The following GPM6B variants were observed in gnomAD, a reference collection of about 807,000 sequenced individuals.
GPM6B encodes glycoprotein M6B, also known as neuronal membrane glycoprotein M6-b.
A neutral mutation model predicts 27.2 loss-of-function variants in GPM6B; 4 were observed. That is an observed-to-expected ratio of 0.15 (90% confidence interval 0.07 to 0.34). The LOEUF (loss-of-function observed/expected upper bound fraction) is 0.34, where lower values mean the gene tolerates loss of function less well. Ranked by LOEUF, GPM6B falls within the 10% of genes least tolerant of loss-of-function variation. The pLI, the probability that GPM6B is intolerant of heterozygous loss-of-function variation, is 1.00. For synonymous variants in GPM6B, 124 were observed against 103.1 expected (o/e 1.20, Z -1.23); for missense variants, 183 against 261.9 (o/e 0.70, Z 2.08).
intron 6 of GPM6B, 50 bp downstream of exon 6, chrX:13,777,299 CCTT>C: frequency 1.2e-6 from 1 of 869,422 alleles, no homozygotes; most frequent in Non-Finnish European, 1.7e-6. Flanking sequence ...CTGGGAGAAC[CCTT>C]TTTTCTCAGC....
chrX:13,884,766 G>A (rs990789889), intron 1 of GPM6B, among the ~76,000 whole-genome samples: 2 of 111,902 alleles, frequency 1.8e-5, no homozygotes, highest in African/African-American at 6.5e-5. Context: ...TTTTCCCATA[G>A]ACATCAGATA....
At chrX:13,778,278 G>A (rs781448943) in intron 5 of GPM6B, among the ~76,000 whole-genome samples, 1 of 111,386 alleles carries the variant, frequency 9.0e-6, no homozygotes, top group Non-Finnish European at 1.9e-5. Flanking sequence ...TTGAACTCCC[G>A]ACCTCGTGAT....
intron 1 of GPM6B, among the ~76,000 whole-genome samples, chrX:13,808,757 G>T (rs193289553): frequency 6.9e-4 from 77 of 111,695 alleles, no homozygotes; most frequent in African/African-American, 2.3e-3. Context: ...TCAGGTCTCT[G>T]AGGAGAAGAA....
rs779773108 is a variant in GPM6B at position 13,804,763 on chromosome X, C to G, written c.181+2887G>C. On this transcript the variant is annotated intron_variant, in intron 2 of 7. Coordinates refer to ENST00000316715, the MANE Select transcript of GPM6B (RefSeq NM_001001995.3). ...AGCCTGTATCAAAACCTCTTTTTCC[C>G]CCATGGAAAAAGGCTGACAACTCTG... 2.9e-5 allele frequency among the ~76,000 whole-genome samples: 3 copies of G among 104,779 alleles called. No individual in the cohort carries two copies. In the East Asian group the frequency reaches 9.0e-4, roughly 31 times the overall value. 91.0% of individuals were successfully genotyped at this position (104,779 alleles called of 115,157 possible). A position where few individuals can be genotyped will look rare whatever the true frequency, so the allele number is the denominator to read the frequency against.
At chrX:13,831,178 A>G (rs1272094939) in intron 1 of GPM6B, among the ~76,000 whole-genome samples, 10 of 10,969 alleles carry the variant, frequency 9.1e-4, no homozygotes, top group African/African-American at 4.2e-3. Context: ...AGAGCTCAGT[A>G]CACACACACA....
At chrX:13,934,939 T>C (rs1230118560) in intron 1 of GPM6B, among the ~76,000 whole-genome samples, 1 of 111,209 alleles carries the variant, frequency 9.0e-6, no homozygotes, top group Non-Finnish European at 1.9e-5. Flanking sequence ...GAGCACCCAC[T>C]GGGAGCTTGT....
chrX:13,887,562 G>A (rs1365324925), intron 1 of GPM6B, among the ~76,000 whole-genome samples: 1 of 111,668 alleles, frequency 9.0e-6, no homozygotes, highest in African/African-American at 3.3e-5. Flanking sequence ...TTAGATAACT[G>A]AGCCTGGATT....
At chrX:13,865,980 G>A (rs1451800792) in intron 1 of GPM6B, among the ~76,000 whole-genome samples, 1 of 110,796 alleles carries the variant, frequency 9.0e-6, no homozygotes, top group African/African-American at 3.3e-5. Context: ...GCTTGTATGT[G>A]GAATTTTTAA....
intron 3 of GPM6B, among the ~76,000 whole-genome samples, chrX:13,785,268 G>A (rs2048587907): frequency 9.0e-6 from 1 of 111,428 alleles, no homozygotes; most frequent in African/African-American, 3.3e-5. Flanking sequence ...ATCATGAGGT[G>A]GTTGCATCTC....
intron 1 of GPM6B, among the ~76,000 whole-genome samples, chrX:13,867,172 C>A (rs2049928951): frequency 2.7e-5 from 3 of 111,531 alleles, no homozygotes; most frequent in Middle Eastern, 4.6e-3. Context: ...TGCAGTGGAG[C>A]AATCACAGCT....
intron 1 of GPM6B, among the ~76,000 whole-genome samples, chrX:13,934,662 T>G (rs1218318294): frequency 8.9e-6 from 1 of 112,267 alleles, no homozygotes; most frequent in Admixed American, 9.4e-5. Flanking sequence ...AAGTAGTGTT[T>G]AGACCATCAG....
intron 1 of GPM6B, among the ~76,000 whole-genome samples, chrX:13,847,729 G>A (rs2049666281): frequency 8.9e-6 from 1 of 112,023 alleles, no homozygotes; most frequent in South Asian, 3.8e-4. Context: ...CCTTTTTCAA[G>A]CAACTTTACA....
At chrX:13,827,371 C>T (rs2049387572) in intron 1 of GPM6B, among the ~76,000 whole-genome samples, 3 of 103,527 alleles carry the variant, frequency 2.9e-5, no homozygotes, top group African/African-American at 1.1e-4. Flanking sequence ...CAGCCTCAAA[C>T]TCCTGGGCTC....
intron 1 of GPM6B, chrX:13,889,036 C>T (rs181951662): frequency 1.1e-4 from 12 of 111,500 alleles, no homozygotes; most frequent in Non-Finnish European, 2.1e-4. Context: ...GGTGGTTTTC[C>T]GTCTTGATGC....
At chrX:13,785,410 G>A (rs2048590620) in intron 3 of GPM6B, among the ~76,000 whole-genome samples, 1 of 110,829 alleles carries the variant, frequency 9.0e-6, no homozygotes, top group Non-Finnish European at 1.9e-5. Context: ...AGCCTCCCAA[G>A]TAGCTAGGAT....
At chrX:13,919,719 G>A (rs763527373) in intron 1 of GPM6B, among the ~76,000 whole-genome samples, 76 of 111,840 alleles carry the variant, frequency 6.8e-4, no homozygotes, top group Non-Finnish European at 1.0e-3. Context: ...GAACATAACC[G>A]AGAATTTCTC....
At chrX:13,871,286 C>T (rs966830974) in intron 1 of GPM6B, among the ~76,000 whole-genome samples, 1 of 111,344 alleles carries the variant, frequency 9.0e-6, no homozygotes, top group African/African-American at 3.3e-5. Flanking sequence ...ATCTTCTTAA[C>T]CCTAAATCTT....
chrX:13,798,619 G>A (rs1204941954), intron 2 of GPM6B, among the ~76,000 whole-genome samples: 4 of 112,759 alleles, frequency 3.5e-5, no homozygotes, highest in African/African-American at 1.3e-4. Flanking sequence ...AGGAAACACC[G>A]ATACATAGAT....
chrX:13,803,369 G>C (rs1358213212), intron 2 of GPM6B, among the ~76,000 whole-genome samples: 1 of 110,753 alleles, frequency 9.0e-6, no homozygotes, highest in East Asian at 2.8e-4. Flanking sequence ...ACAACACTTG[G>C]GCTTCTTGCT....
Sources: gnomAD v4.1 joint callset for allele counts (sites outside exome capture counted in the v4.1 genomes callset) on GRCh38, gnomAD v4.1.1 for gene constraint, MANE v1.5 for transcripts, NCBI Gene and HGNC (gene_info 2026-07-23, HGNC 2026-07-21) for gene names.